Variants in PLEKHM3 observed in about 807,000 individuals in gnomAD.
PLEKHM3 encodes pleckstrin homology domain containing M3.
A neutral mutation model predicts 81.8 loss-of-function variants in PLEKHM3; 45 were observed. The observed-to-expected ratio is 0.55, with a 90% CI of 0.43 to 0.71. The LOEUF (loss-of-function observed/expected upper bound fraction) is 0.71, where lower values mean the gene tolerates loss of function less well. PLEKHM3 is among the 30% of genes least tolerant of loss of function. The pLI is 0.00. For synonymous variants in PLEKHM3, 352 were observed against 356.4 expected, an observed-to-expected ratio of 0.99 and a Z score of 0.14; for missense variants, 788 against 924.3, an observed-to-expected ratio of 0.85 and a Z score of 1.91.
At chr2:207,839,920 C>G (rs1283661375) in intron 7 of PLEKHM3, among the ~76,000 whole-genome samples, 2 of 152,156 alleles carry the variant, frequency 1.3e-5, no homozygotes, top group Non-Finnish European at 2.9e-5. Flanking sequence ...GAGTGAGACC[C>G]TGTCTCTAAA....
At chr2:207,998,380 T>C (rs1268960789) in intron 2 of PLEKHM3, among the ~76,000 whole-genome samples, 1 of 152,068 alleles carries the variant, frequency 6.6e-6, no homozygotes, top group Non-Finnish European at 1.5e-5. Context: ...GGCATGGTGG[T>C]ACATGCCTGT....
intron 5 of PLEKHM3, among the ~76,000 whole-genome samples, chr2:207,922,608 C>T (rs1184518056): frequency 6.6e-6 from 1 of 151,958 alleles, no homozygotes; most frequent in Non-Finnish European, 1.5e-5. Context: ...GTCAGGAGAT[C>T]GAGACCATCC....
intron 6 of PLEKHM3, among the ~76,000 whole-genome samples, chr2:207,865,801 A>AAAAAAAAAAAAAAAAAAAATATATAT: frequency 4.0e-5 from 1 of 25,290 alleles, no homozygotes; most frequent in Non-Finnish European, 7.6e-5. Flanking sequence ...AAAAAAAAAA[A>AAAAAAAAAAAAAAAAAAAATATATAT]AGATATATAT....
At chr2:207,925,956 G>A (rs1022407042) in intron 5 of PLEKHM3, among the ~76,000 whole-genome samples, 3 of 151,746 alleles carry the variant, frequency 2.0e-5, no homozygotes, top group East Asian at 3.9e-4. Flanking sequence ...ACCGAGTTAC[G>A]GATCTAGTAT....
chr2:207,986,838 A>ATTT (rs370986896), intron 2 of PLEKHM3, among the ~76,000 whole-genome samples: 93 of 126,266 alleles, frequency 7.4e-4, no homozygotes, highest in South Asian at 1.5e-3. Flanking sequence ...TGCCCAGCTA[A>ATTT]TTTTTTTTTT....
intron 7 of PLEKHM3, among the ~76,000 whole-genome samples, chr2:207,845,444 G>C (rs1160525541): frequency 6.6e-6 from 1 of 152,122 alleles, no homozygotes; most frequent in Non-Finnish European, 1.5e-5. Context: ...AGTCCCATGG[G>C]GAAGAAAAAG....
intron 3 of PLEKHM3, among the ~76,000 whole-genome samples, chr2:207,954,142 G>A (rs1482300872): frequency 2.0e-5 from 3 of 152,030 alleles, no homozygotes; most frequent in Non-Finnish European, 4.4e-5. Context: ...AGCTATGATC[G>A]CACCATGGCA....
intron 5 of PLEKHM3, among the ~76,000 whole-genome samples, chr2:207,916,967 C>G (rs886446511): frequency 2.6e-5 from 4 of 152,040 alleles, no homozygotes; most frequent in Non-Finnish European, 4.4e-5. Flanking sequence ...TCTGTAGCAC[C>G]CTTTTACAGT....
At chr2:208,013,708 A>T (rs1446312527) in intron 1 of PLEKHM3, among the ~76,000 whole-genome samples, 1 of 152,204 alleles carries the variant, frequency 6.6e-6, no homozygotes, top group African/African-American at 2.4e-5. Flanking sequence ...CCTGTCCAAC[A>T]GAAGGCCTTT....
At chr2:207,986,675 TG>T (rs1009641181) in intron 2 of PLEKHM3, among the ~76,000 whole-genome samples, 22 of 90,898 alleles carry the variant, frequency 2.4e-4, no homozygotes, top group Non-Finnish European at 1.9e-4. Context: ...CAAATTTTTT[TG>T]TTTTTTTTTT....
rs1574481496 is a variant in PLEKHM3, at chr2:208,000,926, A to G, written c.610+104T>C. 9.9e-6 allele frequency: 11 copies of G among 1,115,838 alleles called. No homozygotes were observed. The East Asian group carries it at 2.7e-4, about 27-fold the overall frequency. The allele number at this position is 1,115,838 out of a possible 1,614,324, so 69.1% of individuals were successfully genotyped here. A position where few individuals can be genotyped will look rare whatever the true frequency, so the allele number is the denominator to read the frequency against. On this transcript the variant is annotated intron_variant, in intron 2 of 7. Transcript: ENST00000427836. ...TAAGAGAGACAAAGGAAAAACCAACAATGATTCAGTAGAAGTCAGATATAA... is the reference window on the plus strand; with the variant it reads ...TAAGAGAGACAAAGGAAAAACCAACGATGATTCAGTAGAAGTCAGATATAA...
chr2:207,852,326 A>G (rs535135809), intron 7 of PLEKHM3, among the ~76,000 whole-genome samples: 2 of 152,274 alleles, frequency 1.3e-5, no homozygotes, highest in South Asian at 2.1e-4. Flanking sequence ...AAGTTACACT[A>G]TTTCCTCAGA....
In PLEKHM3 at chr2:207,946,365, A is replaced by G. The variant is rs1362613105; in HGVS notation, c.1692+2T>C. On this transcript the variant is annotated splice_donor_variant, in intron 4 of 7. Coordinates refer to ENST00000427836, the MANE Select transcript of PLEKHM3 (RefSeq NM_001080475.3). LOFTEE classifies it high-confidence loss of function. ...TTAAGTGAACTGAGTTTTTGTACCT[A>G]CCTTATACTTTGAAGTATCCCAGTT... 1 of 1,613,226 alleles carries G rather than the reference A, an allele frequency of 6.2e-7. No individual in the cohort carries two copies. Among genetic ancestry groups the G allele is most frequent in the Non-Finnish European group, 8.5e-7 (1 of 1,179,488 alleles).
chr2:208,000,393 C>T (rs574246203), intron 2 of PLEKHM3, among the ~76,000 whole-genome samples: 1 of 152,316 alleles, frequency 6.6e-6, no homozygotes, highest in Admixed American at 6.5e-5. Context: ...CAAGCCAAGC[C>T]CTTCCTGAGA....
intron 3 of PLEKHM3, among the ~76,000 whole-genome samples, chr2:207,952,852 G>C (rs536829682): frequency 6.6e-6 from 1 of 152,288 alleles, no homozygotes; most frequent in African/African-American, 2.4e-5. Context: ...AAGTAGAAAG[G>C]GGGTAAAGAG....
chr2:207,973,219 CAT>C (rs1372645692), intron 3 of PLEKHM3, among the ~76,000 whole-genome samples: 2 of 152,200 alleles, frequency 1.3e-5, no homozygotes, highest in Non-Finnish European at 2.9e-5. Flanking sequence ...AGTTAGAAGA[CAT>C]AGGTACAAAA....
intron 5 of PLEKHM3, among the ~76,000 whole-genome samples, chr2:207,926,277 A>G (rs1689391008): frequency 6.6e-6 from 1 of 152,124 alleles, no homozygotes; most frequent in Non-Finnish European, 1.5e-5. Flanking sequence ...GTGTGCATGA[A>G]AACTCCTGAT....
intron 3 of PLEKHM3, among the ~76,000 whole-genome samples, chr2:207,958,676 G>A (rs557595185): frequency 1.3e-5 from 2 of 152,100 alleles, no homozygotes; most frequent in Non-Finnish European, 2.9e-5. Context: ...TTGGGAGGCC[G>A]AGGTGGGCGG....
chr2:207,937,860 AG>A (rs1417365838), intron 4 of PLEKHM3, among the ~76,000 whole-genome samples: 2 of 152,212 alleles, frequency 1.3e-5, no homozygotes, highest in African/African-American at 4.8e-5. Context: ...AATACTTCTT[AG>A]TCCTGTTAAA....
Sources: gnomAD v4.1 joint callset for allele counts (sites outside exome capture counted in the v4.1 genomes callset) on GRCh38, gnomAD v4.1.1 for gene constraint, MANE v1.5 for transcripts, NCBI Gene and HGNC (gene_info 2026-07-23, HGNC 2026-07-21) for gene names.